ABR: variants seen among roughly 807,000 people sequenced by gnomAD.
ABR encodes the protein ABR activator of RhoGEF and GTPase.
Under a neutral mutation model 107.2 loss-of-function variants are expected in ABR, and 35 were observed. The observed-to-expected ratio is 0.33, with a 90% CI of 0.25 to 0.43. ABR has a LOEUF of 0.43. Among genes scored for constraint, ABR ranks in the 20% least tolerant of loss-of-function variants. The pLI is 1.00. For missense variants in ABR, 815 were observed against 1,115.2 expected, an observed-to-expected ratio of 0.73 and a Z score of 3.83; for synonymous variants, 498 against 462.0, an observed-to-expected ratio of 1.08 and a Z score of -1.00.
At chr17:1,056,246 A>G (rs1168838087) in intron 13 of ABR, 137 bp from the exon 14 acceptor site, 1 of 784,190 alleles carries the variant, frequency 1.3e-6, no homozygotes, top group Admixed American at 2.3e-5. Flanking sequence ...TGGCCAGATG[A>G]AAAAGTTTCC....
upstream of ABR, chr17:1,187,433 G>A (rs2042329771): frequency 6.6e-6 from 1 of 152,336 alleles, no homozygotes; most frequent in Non-Finnish European, 1.5e-5. Flanking sequence ...CGGCCCGCAA[G>A]TGCCTGGACA....
rs546278705 is a variant in ABR, at chr17:1,071,049, G to C, written c.895-959C>G. Among the ~76,000 whole-genome samples, 38 of 152,196 alleles carry C rather than the reference G, an allele frequency of 2.5e-4. No individual in the cohort carries two copies. Among genetic ancestry groups the C allele is most frequent in the African/African-American group, 9.2e-4 (38 of 41,522 alleles). ...ATGGTGACGCCTGCCTGTAATCTCA[G>C]CTACTTGGGAGGATGAGGCAGGAGA... On this transcript the variant is annotated intron_variant, in intron 8 of 22. Transcript: ENST00000302538. This position sits in a 1 kb window ranked among gnomAD's most constrained non-coding sequence, Gnocchi z 5.1.
In ABR at chr17:1,013,596, G is replaced by A. The variant is rs546800428; in HGVS notation, c.1792-432C>T. On this transcript the variant is annotated intron_variant, in intron 16 of 22. Coordinates refer to ENST00000302538, the MANE Select transcript of ABR (RefSeq NM_021962.5). ...TAGGAGGCGCTCAAGTCCATCAGGA[G>A]GGAACCAGCCCATCCACGTGGAGGT... Among the ~76,000 whole-genome samples, 10 of 152,360 alleles carry A rather than the reference G, an allele frequency of 6.6e-5. No individual in the cohort carries two copies. In the East Asian group the frequency reaches 1.7e-3, roughly 26 times the overall value.
In ABR at chr17:1,011,886, C is replaced by T. The variant is rs1351172297; in HGVS notation, c.2061G>A (p.Val687=). ...EEVGIYRISG[V]ATDIQALKAV... ...CCTTGAGCGCCTGGATGTCCGTGGC[C>T]ACGCCCGATATCCTGTAGATGCCAA... The change falls in exon 19 of 23, where the codon GTG becomes GTA. Residue 687 remains valine (V), a synonymous_variant. Transcript: ENST00000302538. This position sits in a 1 kb window ranked among gnomAD's most constrained non-coding sequence, Gnocchi z 4.8. 6.2e-7 allele frequency: 1 copy of T among 1,601,770 alleles called. No individual in the cohort carries two copies.
Position 1,010,772 on chromosome 17 carries a change from C to T in ABR, c.2193G>A (p.Pro731=), listed in dbSNP as rs141016420. The T allele has an allele frequency of 1.5e-5, 24 of 1,613,582 alleles. No homozygotes were observed. The highest frequency in any genetic ancestry group is 8.9e-5 in the East Asian group (4 of 44,892). The stretch of plus-strand genomic sequence containing the variant: ...CTGGGTAGAGTCGGTCCGTGAGGAG[C>T]GGCTCGGGCAGTTCCCGGAAGTACA... The part of the protein sequence containing the change: ...LKLYFRELPE[P]LLTDRLYPAF... Residue 731 remains proline, a synonymous_variant, in exon 20 of 23, where the codon CCG becomes CCA. Transcript: ENST00000302538. The surrounding 1 kb of genome is among the most constrained non-coding windows in gnomAD (Gnocchi z 4.1).
intron 1 of ABR, among the ~76,000 whole-genome samples, chr17:1,197,262 A>G (rs1226460829): frequency 6.6e-6 from 1 of 151,716 alleles, no homozygotes; most frequent in Non-Finnish European, 1.5e-5. Flanking sequence ...GCTGTGGCGC[A>G]GGGAGGGTTT....
Position 1,037,928 on chromosome 17 carries a change from C to T in ABR, c.1791+12122G>A, listed in dbSNP as rs1041332342. 2.6e-5 allele frequency among the ~76,000 whole-genome samples: 4 copies of T among 152,180 alleles called. No individual in the cohort carries two copies. The highest frequency in any genetic ancestry group is 4.8e-5 in the African/African-American group (2 of 41,446). On this transcript the variant is annotated intron_variant, in intron 16 of 22. Transcript: ENST00000302538. This position sits in a 1 kb window ranked among gnomAD's most constrained non-coding sequence, Gnocchi z 4.6. ...TTCCACAGCTGTCAAATCAGGAGCT[C>T]GGAACAGACACATGGTCTCCGGTGA...
rs1203831399 is a variant in ABR, at chr17:1,012,741, G to C, written c.1908C>G (p.Thr636=). 2.5e-6 allele frequency: 4 copies of C among 1,598,528 alleles called. No individual in the cohort carries two copies. Among genetic ancestry groups the C allele is most frequent in the Non-Finnish European group, 3.4e-6 (4 of 1,171,938 alleles). ...FTSRDMSLKR[T]PSKKQTGVFG... ...AGACGCCGGTCTGCTTTTTGGACGG[G>C]GTCCTCTTCAGGCTCATATCTCGGC... The change falls in exon 18 of 23, where the codon ACC becomes ACG. Residue 636 remains threonine (T), a synonymous_variant. Coordinates refer to ENST00000302538, the MANE Select transcript of ABR (RefSeq NM_021962.5).
In ABR at chr17:1,012,722, C is replaced by T. The variant is rs1597358774; in HGVS notation, c.1927G>A (p.Gly643Ser). The change falls in exon 18 of 23, where the codon GGC (glycine) becomes AGC (serine). Residue 643 changes from glycine to serine, a missense_variant. Gly to Ser is a moderately conservative substitution (Grantham distance 56, BLOSUM62 0). Around this residue, in one of 5 missense-constraint regions of ABR, gnomAD observed 175 missense variants for 284.3 expected, o/e 0.62. Transcript: ENST00000302538. Reference sequence around the variant, plus strand: ...ACGCTGATCTTCACACCGAAGACGCCGGTCTGCTTTTTGGACGGGGTCCTC... The same window carrying T: ...ACGCTGATCTTCACACCGAAGACGCTGGTCTGCTTTTTGGACGGGGTCCTC... ...LKRTPSKKQT[G>S]VFGVKISVVT... 5.6e-6 allele frequency: 9 copies of T among 1,594,582 alleles called. 1 individual carries two copies. Among genetic ancestry groups the T allele is most frequent in the Admixed American group, 3.5e-5 (2 of 57,276 alleles).
intron 1 of ABR, among the ~76,000 whole-genome samples, chr17:1,152,116 C>T (rs547821294): frequency 2.1e-4 from 32 of 152,234 alleles, no homozygotes; most frequent in Non-Finnish European, 3.8e-4. Flanking sequence ...GGGGAAACCC[C>T]GTCTCTACTA....
chr17:1,191,418 C>A (rs28434254), upstream of ABR, among the ~76,000 whole-genome samples: 1 of 143,670 alleles, frequency 7.0e-6, no homozygotes, highest in Admixed American at 7.1e-5. Flanking sequence ...AGTGCAGTGG[C>A]GCAATCTCAG....
In ABR at chr17:1,070,401, A is replaced by G. The variant is rs2035134469; in HGVS notation, c.895-311T>C. Among the ~76,000 whole-genome samples, 1 of 152,184 alleles carries G rather than the reference A, an allele frequency of 6.6e-6. No individual in the cohort carries two copies. Among genetic ancestry groups the G allele is most frequent in the Non-Finnish European group, 1.5e-5 (1 of 68,036 alleles). On this transcript the variant is annotated intron_variant, in intron 8 of 22. Transcript: ENST00000302538. This position sits in a 1 kb window ranked among gnomAD's most constrained non-coding sequence, Gnocchi z 4.2. Reference sequence around the variant, plus strand: ...CTCATCGAGATGGTGCATGTGAAACAGCACAGTGCCTGGCACATTAAGTGT... The same window carrying G: ...CTCATCGAGATGGTGCATGTGAAACGGCACAGTGCCTGGCACATTAAGTGT...
intron 2 of ABR, among the ~76,000 whole-genome samples, chr17:1,101,872 T>C (rs1405732494): frequency 1.3e-5 from 2 of 152,146 alleles, no homozygotes; most frequent in East Asian, 1.9e-4. Context: ...TAGCTGGGAC[T>C]ACAGGCTCCC....
chr17:1,195,830 G>A (rs193271678), intron 1 of ABR, among the ~76,000 whole-genome samples: 25 of 144,178 alleles, frequency 1.7e-4, no homozygotes, highest in Non-Finnish European at 2.4e-4. Context: ...TGGCCGGCGC[G>A]GTGGCTCACG....
In ABR at chr17:1,024,519, G is replaced by A. The variant is rs1018906347; in HGVS notation, c.1792-11355C>T. On this transcript the variant is annotated intron_variant, in intron 16 of 22. Transcript: ENST00000302538. ...AAAACAGTCTGGGCCAGGCACGGGG[G>A]CTCCCGCCTGTAATCCAGCACTGTG... 3.3e-5 allele frequency among the ~76,000 whole-genome samples: 5 copies of A among 152,286 alleles called. 1 individual carries two copies. Among genetic ancestry groups the A allele is most frequent in the East Asian group, 3.9e-4 (2 of 5,182 alleles).
intron 16 of ABR, among the ~76,000 whole-genome samples, chr17:1,043,803 C>T (rs996705148): frequency 1.3e-5 from 2 of 152,204 alleles, no homozygotes; most frequent in African/African-American, 2.4e-5. Context: ...CTGGCAGGCA[C>T]GTGGGGAAGT....
intron 1 of ABR, among the ~76,000 whole-genome samples, chr17:1,206,760 G>A (rs1329249153): frequency 6.6e-6 from 1 of 152,068 alleles, no homozygotes; most frequent in Admixed American, 6.6e-5. Flanking sequence ...AATATTTTGT[G>A]AAATTTGTGA....
chr17:1,038,972 G>A (rs960948513), intron 16 of ABR, among the ~76,000 whole-genome samples: 38 of 152,212 alleles, frequency 2.5e-4, no homozygotes, highest in Admixed American at 1.2e-3. Context: ...CTTTCGCCTC[G>A]GCGAGTTCGC....
At chr17:1,060,833 A>C (rs1010609562) in intron 10 of ABR, among the ~76,000 whole-genome samples, 1 of 152,016 alleles carries the variant, frequency 6.6e-6, no homozygotes, top group Non-Finnish European at 1.5e-5. Flanking sequence ...TCTACTAAAA[A>C]TACAAAAAAT....
Sources: gnomAD v4.1 joint callset for allele counts (sites outside exome capture counted in the v4.1 genomes callset) on GRCh38, gnomAD v4.1.1 for gene constraint, gnomAD v4.1.1 regional missense constraint, Gnocchi (gnomAD v3.1) non-coding constraint, MANE v1.5 for transcripts, NCBI Gene and HGNC (gene_info 2026-07-23, HGNC 2026-07-21) for gene names.